Variants in CYP2C19 observed in about 807,000 individuals in gnomAD.
CYP2C19 encodes cytochrome P450 2C19.
In CYP2C19, 59 loss-of-function variants were observed where a neutral mutation model predicts 40.9. The ratio of observed to expected loss-of-function variants is 1.44; its 90% CI spans 1.17 to 1.79. The LOEUF (loss-of-function observed/expected upper bound fraction) is 1.79, where lower values mean the gene tolerates loss of function less well. Among genes scored for constraint, CYP2C19 ranks in the 40% most tolerant of loss-of-function variants. The pLI, the probability that CYP2C19 is intolerant of heterozygous loss-of-function variation, is 0.00. For missense variants in CYP2C19, 754 were observed against 596.9 expected (o/e 1.26, Z -2.74); for synonymous variants, 253 against 208.7 (o/e 1.21, Z -1.83).
intron 5 of CYP2C19, among the ~76,000 whole-genome samples, chr10:94,814,269 G>A (rs567739410): frequency 6.6e-6 from 1 of 151,682 alleles, no homozygotes; most frequent in East Asian, 1.9e-4. Flanking sequence ...GTTTCTTTAA[G>A]GTAATTATTT....
intron 5 of CYP2C19, among the ~76,000 whole-genome samples, chr10:94,809,815 C>T (rs1054842086): frequency 2.6e-5 from 4 of 151,956 alleles, no homozygotes; most frequent in East Asian, 1.9e-4. Flanking sequence ...TGCATCTATT[C>T]AGATAGTCAT....
intron 1 of CYP2C19, among the ~76,000 whole-genome samples, chr10:94,763,331 C>A (rs1256736489): frequency 6.6e-6 from 1 of 152,048 alleles, no homozygotes; most frequent in Non-Finnish European, 1.5e-5. Context: ...GGGTTTAGGA[C>A]CAGCAAAAGC....
intron 6 of CYP2C19, among the ~76,000 whole-genome samples, chr10:94,833,597 A>G (rs1198631719): frequency 6.6e-6 from 1 of 152,204 alleles, no homozygotes; most frequent in Non-Finnish European, 1.5e-5. Context: ...GCACATATAC[A>G]CCATGGAATA....
At chr10:94,800,100 T>C (rs1195309588) in intron 5 of CYP2C19, among the ~76,000 whole-genome samples, 1 of 152,206 alleles carries the variant, frequency 6.6e-6, no homozygotes, top group East Asian at 1.9e-4. Context: ...TTTTAGAATT[T>C]TCAGCTTTTC....
chr10:94,816,772 C>T (rs1354325064), intron 5 of CYP2C19, among the ~76,000 whole-genome samples: 2 of 144,954 alleles, frequency 1.4e-5, no homozygotes, highest in African/African-American at 2.6e-5. Flanking sequence ...TATTCCCCTT[C>T]ATGTGTCCAT....
intron 5 of CYP2C19, among the ~76,000 whole-genome samples, chr10:94,809,473 G>A (rs910028144): frequency 6.6e-6 from 1 of 152,008 alleles, no homozygotes; most frequent in Non-Finnish European, 1.5e-5. Flanking sequence ...ACTTTGGTTG[G>A]AGTTTTCTAA....
chr10:94,834,056 A>C (rs1230034261), intron 6 of CYP2C19, among the ~76,000 whole-genome samples: 2 of 151,896 alleles, frequency 1.3e-5, no homozygotes, highest in Non-Finnish European at 2.9e-5. Context: ...TATTTTTTGG[A>C]ATAGTTTGAG....
In CYP2C19 at chr10:94,832,673, T is replaced by A. The variant is rs898709088; in HGVS notation, c.962-10164T>A. On this transcript the variant is annotated intron_variant, in intron 6 of 8. Transcript: ENST00000371321. ...TGTTTTTGTTAGTATAGCTGTGTAG[T>A]ATAATTTTAAGTGAGATAATGTGAT... Among the ~76,000 whole-genome samples, 13 of 152,336 alleles carry A rather than the reference T, an allele frequency of 8.5e-5. 1 individual carries two copies. Among genetic ancestry groups the A allele is most frequent in the Admixed American group, 6.5e-4 (10 of 15,302 alleles).
chr10:94,811,760 C>T (rs1848928309), intron 5 of CYP2C19, among the ~76,000 whole-genome samples: 1 of 151,860 alleles, frequency 6.6e-6, no homozygotes, highest in Non-Finnish European at 1.5e-5. Flanking sequence ...TTATTTTGAG[C>T]CTATGTGTGT....
chr10:94,789,598 G>T (rs185753336), intron 5 of CYP2C19, among the ~76,000 whole-genome samples: 1 of 152,154 alleles, frequency 6.6e-6, no homozygotes, highest in East Asian at 1.9e-4. Context: ...TTATTAAAAA[G>T]GGAATCCTTC....
intron 6 of CYP2C19, among the ~76,000 whole-genome samples, chr10:94,836,801 A>G (rs1589374167): frequency 6.6e-6 from 1 of 152,206 alleles, no homozygotes; most frequent in East Asian, 1.9e-4. Context: ...GAAATTTAAG[A>G]GCGCTTGGGT....
chr10:94,850,758 G>A lies in CYP2C19; in HGVS notation c.1291+700G>A, dbSNP rs990925066. Among the ~76,000 whole-genome samples, 3 of 152,186 alleles carry A rather than the reference G, an allele frequency of 2.0e-5. No individual in the cohort carries two copies. In the South Asian group the frequency reaches 6.2e-4, roughly 31 times the overall value. ...AGGAGATAATGAGCCACAGGAGCAG[G>A]ATATTGGCTCTAAATAAAGGATATT... On this transcript the variant is annotated intron_variant, in intron 8 of 8. Coordinates refer to ENST00000371321, the MANE Select transcript of CYP2C19 (RefSeq NM_000769.4).
chr10:94,849,393 T>C (rs1849617911), intron 7 of CYP2C19, among the ~76,000 whole-genome samples: 1 of 151,650 alleles, frequency 6.6e-6, no homozygotes, highest in African/African-American at 2.4e-5. Flanking sequence ...CAAAAGCAAG[T>C]TCATTTTAAA....
chr10:94,810,631 A>C (rs1848906592), intron 5 of CYP2C19, among the ~76,000 whole-genome samples: 1 of 152,188 alleles, frequency 6.6e-6, no homozygotes, highest in African/African-American at 2.4e-5. Context: ...GTATGTGTCT[A>C]GAAATTTATC....
intron 4 of CYP2C19, 61 bp from the exon 5 acceptor site, chr10:94,781,760 C>G (rs1848480705): frequency 2.5e-6 from 2 of 784,832 alleles, no homozygotes; most frequent in Admixed American, 7.6e-5. Flanking sequence ...CAGAGCTTGG[C>G]ATATTGTATC....
chr10:94,780,037 C>G (rs1010470087), intron 3 of CYP2C19, among the ~76,000 whole-genome samples: 4 of 152,162 alleles, frequency 2.6e-5, no homozygotes, highest in Non-Finnish European at 5.9e-5. Context: ...GAATTCACCC[C>G]TAGTCTCTCT....
intron 1 of CYP2C19, among the ~76,000 whole-genome samples, chr10:94,769,149 T>A (rs904769213): frequency 2.6e-5 from 4 of 152,030 alleles, no homozygotes; most frequent in Admixed American, 2.6e-4. Context: ...TAGGCAAAGC[T>A]GGGCCTTTGA....
At chr10:94,817,768 C>T (rs1396980658) in intron 5 of CYP2C19, among the ~76,000 whole-genome samples, 1 of 152,096 alleles carries the variant, frequency 6.6e-6, no homozygotes, top group African/African-American at 2.4e-5. Flanking sequence ...AATCCCGGCA[C>T]TTTGGGAGGC....
chr10:94,765,726 G>C (rs1004227209), intron 1 of CYP2C19, among the ~76,000 whole-genome samples: 1 of 152,138 alleles, frequency 6.6e-6, no homozygotes, highest in Admixed American at 6.5e-5. Context: ...TGTTTGTTAA[G>C]CAGGGAGGAG....
Sources: gnomAD v4.1 joint callset for allele counts (sites outside exome capture counted in the v4.1 genomes callset) on GRCh38, gnomAD v4.1.1 for gene constraint, MANE v1.5 for transcripts, NCBI Gene and HGNC (gene_info 2026-07-23, HGNC 2026-07-21) for gene names.